The following XYLT1 variants were observed in gnomAD, a reference collection of about 807,000 sequenced individuals.
The protein encoded by XYLT1 is beta-D-xylosyltransferase 1.
A neutral mutation model predicts 91.3 loss-of-function variants in XYLT1; 36 were observed. That is an observed-to-expected ratio of 0.39 (90% CI 0.30 to 0.52). XYLT1 has a LOEUF of 0.52. Among genes scored for constraint, XYLT1 ranks in the 20% least tolerant of loss-of-function variants. The pLI is 0.68. For missense variants in XYLT1, 1,242 were observed against 1,284.5 expected, an observed-to-expected ratio of 0.97 and a Z score of 0.51; for synonymous variants, 588 against 532.0, an observed-to-expected ratio of 1.11 and a Z score of -1.45.
chr16:17,277,828 C>T (rs1405659855), intron 2 of XYLT1, among the ~76,000 whole-genome samples: 1 of 152,144 alleles, frequency 6.6e-6, no homozygotes, highest in African/African-American at 2.4e-5. Flanking sequence ...CATGTTGCTG[C>T]AAAGGACCTG....
At chr16:17,220,221 A>C (rs982266434) in intron 3 of XYLT1, among the ~76,000 whole-genome samples, 7 of 152,242 alleles carry the variant, frequency 4.6e-5, no homozygotes, top group African/African-American at 1.7e-4. Context: ...ACCAATGTGT[A>C]AACCTAACAG....
In XYLT1 at chr16:17,108,626, C is replaced by T. The variant is rs1966810689; in HGVS notation, c.*69G>A. ...TCCCCCAGGGTGGGAGGCCGGGGTT[C>T]AGGCCCCACAACCCCTCTGGCTGCT... On this transcript the variant is annotated 3_prime_UTR_variant, in exon 12 of 12. Transcript: ENST00000261381. The T allele has an allele frequency of 1.2e-5, 17 of 1,444,874 alleles. No homozygotes were observed. In the South Asian group the frequency reaches 2.5e-4, roughly 21 times the overall value. 89.5% of individuals were successfully genotyped at this position (1,444,874 alleles called of 1,614,324 possible).
chr16:17,433,205 C>T (rs2036412547), intron 1 of XYLT1, among the ~76,000 whole-genome samples: 1 of 152,110 alleles, frequency 6.6e-6, no homozygotes, highest in Non-Finnish European at 1.5e-5. Flanking sequence ...CCCATGCCCA[C>T]CCAACAAGCC....
chr16:17,370,402 G>T (rs758836220), intron 1 of XYLT1, among the ~76,000 whole-genome samples: 5 of 152,224 alleles, frequency 3.3e-5, no homozygotes, highest in Non-Finnish European at 5.9e-5. Context: ...TGCATGCCAC[G>T]CTTGGTGGAA....
chr16:17,395,496 C>T (rs547206500), intron 1 of XYLT1, among the ~76,000 whole-genome samples: 75 of 152,250 alleles, frequency 4.9e-4, no homozygotes, highest in Admixed American at 1.4e-3. Flanking sequence ...GGCAGCACAG[C>T]GAAACCTTAT....
intron 1 of XYLT1, among the ~76,000 whole-genome samples, chr16:17,380,750 T>C (rs984065696): frequency 3.3e-5 from 5 of 152,214 alleles, no homozygotes; most frequent in African/African-American, 7.2e-5. Flanking sequence ...GCTAGCCTAG[T>C]GTCCCTCCTG....
At chr16:17,183,422 A>G (rs2032113257) in intron 5 of XYLT1, among the ~76,000 whole-genome samples, 1 of 151,000 alleles carries the variant, frequency 6.6e-6, no homozygotes, top group African/African-American at 2.5e-5. Context: ...CCAGCAGGTG[A>G]AATTATGACC....
At chr16:17,416,931 G>C (rs139729963) in intron 1 of XYLT1, among the ~76,000 whole-genome samples, 30 of 152,198 alleles carry the variant, frequency 2.0e-4, no homozygotes, top group Middle Eastern at 3.2e-3. Flanking sequence ...AAGTGCTAAC[G>C]AGGTGGCTGG....
intron 7 of XYLT1, among the ~76,000 whole-genome samples, chr16:17,139,556 T>A (rs935541240): frequency 6.6e-6 from 1 of 152,144 alleles, no homozygotes; most frequent in African/African-American, 2.4e-5. Flanking sequence ...TAAATGAGGC[T>A]CCAGCCGCCA....
chr16:17,433,382 C>T (rs961973946), intron 1 of XYLT1, among the ~76,000 whole-genome samples: 1 of 152,178 alleles, frequency 6.6e-6, no homozygotes, highest in African/African-American at 2.4e-5. Flanking sequence ...TGAGCTATTG[C>T]AACATCCCCT....
chr16:17,332,009 C>T (rs568967520), intron 2 of XYLT1, among the ~76,000 whole-genome samples: 51 of 152,340 alleles, frequency 3.3e-4, no homozygotes, highest in African/African-American at 9.4e-4. Flanking sequence ...ATTATTTAAA[C>T]AAGACAATCA....
At chr16:17,146,822 A>T (rs527236733) in intron 6 of XYLT1, among the ~76,000 whole-genome samples, 1 of 152,322 alleles carries the variant, frequency 6.6e-6, no homozygotes, top group African/African-American at 2.4e-5. Flanking sequence ...AAGACTGGCA[A>T]CTTTTCTAAG....
chr16:17,207,741 C>T (rs557887928), intron 3 of XYLT1, among the ~76,000 whole-genome samples: 16 of 152,274 alleles, frequency 1.1e-4, no homozygotes, highest in Non-Finnish European at 1.8e-4. Flanking sequence ...TGCTCTGCAC[C>T]GCAGCTGCTG....
chr16:17,177,423 C>T (rs745790043), intron 5 of XYLT1, among the ~76,000 whole-genome samples: 12 of 152,158 alleles, frequency 7.9e-5, no homozygotes, highest in Non-Finnish European at 1.8e-4. Context: ...AATTTCTTTC[C>T]TGACAATGTC....
At position 17,470,871 on chromosome 16, in the gene XYLT1, C is replaced by T. The variant is rs1388954494; in HGVS notation, c.-75G>A. The T allele has an allele frequency of 7.1e-6, 7 of 979,688 alleles. No homozygotes were observed. In the African/African-American group the frequency reaches 1.2e-4, roughly 17 times the overall value. The allele number at this position is 979,688 out of a possible 1,614,324, so 60.7% of individuals were successfully genotyped here. On this transcript the variant is annotated 5_prime_UTR_variant, in exon 1 of 12. Coordinates refer to ENST00000261381, the MANE Select transcript of XYLT1 (RefSeq NM_022166.4). ...GGCCGCCCCCGCGCTCCCCGCAGCT[C>T]CCGCGGCCGCCGGCTGCCGCTCGGG...
chr16:17,259,079 C>CTTGGACT lies in XYLT1; in HGVS notation c.815_821dup (p.His275ValfsTer23). ...TCTCCCCAATCTCCTGGCGGCAGTG[C>CTTGGACT]TTGGACTTAGCACGGGACAGGGCAG... is the stretch of plus-strand genomic sequence containing the variant. On this transcript the variant is annotated frameshift_variant, in exon 3 of 12. Coordinates refer to ENST00000261381, the MANE Select transcript of XYLT1 (RefSeq NM_022166.4). LOFTEE classifies it high-confidence loss of function. The CTTGGACT allele has an allele frequency of 6.5e-7, 1 of 1,536,364 alleles. No homozygotes were observed. The highest frequency in any genetic ancestry group is 8.7e-7 in the Non-Finnish European group (1 of 1,142,900).
At chr16:17,178,988 G>C (rs1469361844) in intron 5 of XYLT1, among the ~76,000 whole-genome samples, 1 of 151,934 alleles carries the variant, frequency 6.6e-6, no homozygotes, top group Admixed American at 6.6e-5. Context: ...AGGACCACTT[G>C]AGCCTGGGAG....
intron 10 of XYLT1, among the ~76,000 whole-genome samples, chr16:17,125,385 A>G (rs2030224126): frequency 2.0e-5 from 3 of 152,086 alleles, no homozygotes. Flanking sequence ...ATTGCATTTA[A>G]AATGCAACCT....
chr16:17,436,197 G>A (rs890513951), intron 1 of XYLT1, among the ~76,000 whole-genome samples: 2 of 152,142 alleles, frequency 1.3e-5, no homozygotes, highest in African/African-American at 2.4e-5. Flanking sequence ...TTAGAACTTC[G>A]AGTCAATTAA....
Sources: gnomAD v4.1 joint callset for allele counts (sites outside exome capture counted in the v4.1 genomes callset) on GRCh38, gnomAD v4.1.1 for gene constraint, MANE v1.5 for transcripts, NCBI Gene and HGNC (gene_info 2026-07-23, HGNC 2026-07-21) for gene names.